Variants in COL8A1 observed in about 807,000 individuals in gnomAD.
COL8A1 encodes collagen alpha-1(VIII) chain.
In COL8A1, 21 loss-of-function variants were observed where a neutral mutation model predicts 42.7. That is an observed-to-expected ratio of 0.49 (90% CI 0.35 to 0.71). COL8A1 has a LOEUF of 0.71. Ranked by LOEUF, COL8A1 falls within the 30% of genes least tolerant of loss-of-function variation. The pLI, the probability that COL8A1 is intolerant of heterozygous loss-of-function variation, is 0.01. For synonymous variants in COL8A1, 367 were observed against 369.1 expected, an observed-to-expected ratio of 0.99 and a Z score of 0.06; for missense variants, 788 against 962.4, an observed-to-expected ratio of 0.82 and a Z score of 2.40.
chr3:99,647,475 GTCTCTC>G (rs10662522), intron 1 of COL8A1, among the ~76,000 whole-genome samples: 18 of 147,646 alleles, frequency 1.2e-4, no homozygotes, highest in Admixed American at 2.7e-4. Context: ...TATTATTCAA[GTCTCTC>G]TCTCTCTCTC....
chr3:99,644,725 G>T (rs1308784744), intron 1 of COL8A1, among the ~76,000 whole-genome samples: 1 of 152,166 alleles, frequency 6.6e-6, no homozygotes, highest in East Asian at 1.9e-4. Context: ...TACATCACAG[G>T]ATATTTAGGC....
intron 1 of COL8A1, among the ~76,000 whole-genome samples, chr3:99,729,681 A>C (rs533968614): frequency 7.2e-5 from 11 of 152,100 alleles, no homozygotes; most frequent in Non-Finnish European, 1.3e-4. Flanking sequence ...GAGACTCTAC[A>C]ACCTTTAGTT....
chr3:99,713,219 C>T (rs1939897775), intron 1 of COL8A1, among the ~76,000 whole-genome samples: 1 of 151,996 alleles, frequency 6.6e-6, no homozygotes, highest in South Asian at 2.1e-4. Context: ...GTAACTTGCC[C>T]AAGTTCACAC....
chr3:99,798,107 C>T lies in COL8A1; in HGVS notation c.*1971C>T, dbSNP rs1457389644. On this transcript the variant is annotated 3_prime_UTR_variant, in exon 4 of 4. Coordinates refer to ENST00000652472, the MANE Select transcript of COL8A1 (RefSeq NM_020351.4). The stretch of plus-strand genomic sequence containing the variant: ...GGTATGAAAACACATGGAAATGTGT[C>T]TTTGTCAAATCTGAATCATTATTAC... 3 of 152,144 alleles carry T rather than the reference C, an allele frequency of 2.0e-5. No homozygotes were observed. The highest frequency in any genetic ancestry group is 4.4e-5 in the Non-Finnish European group (3 of 68,024). 9.4% of individuals were successfully genotyped at this position (152,144 alleles called of 1,614,324 possible). A position where few individuals can be genotyped will look rare whatever the true frequency, so the allele number is the denominator to read the frequency against.
intron 1 of COL8A1, among the ~76,000 whole-genome samples, chr3:99,736,878 T>C (rs1256843202): frequency 2.6e-5 from 4 of 152,208 alleles, no homozygotes; most frequent in African/African-American, 9.7e-5. Flanking sequence ...AGTCTCTTTG[T>C]AGGTCATTCA....
chr3:99,750,215 C>T (rs745653466), intron 2 of COL8A1, among the ~76,000 whole-genome samples: 6 of 151,814 alleles, frequency 4.0e-5, no homozygotes, highest in Admixed American at 6.6e-5. Context: ...CACCACCACA[C>T]CTGGCTAATT....
intron 1 of COL8A1, among the ~76,000 whole-genome samples, chr3:99,736,531 T>C (rs1418925385): frequency 6.6e-6 from 1 of 152,136 alleles, no homozygotes; most frequent in Non-Finnish European, 1.5e-5. Context: ...TTCCATGTAG[T>C]TGAGCGGTTT....
At position 99,794,939 on chromosome 3, in the gene COL8A1, C is replaced by A; in HGVS notation, c.1038C>A (p.Gly346=). 2 of 1,593,824 alleles carry A rather than the reference C, an allele frequency of 1.3e-6. No homozygotes were observed. The highest frequency in any genetic ancestry group is 1.7e-6 in the Non-Finnish European group (2 of 1,170,704). The change falls in exon 4 of 4, where the codon GGC becomes GGA. Residue 346 remains glycine (G), a synonymous_variant. Transcript: ENST00000652472. The surrounding 1 kb of genome is among the most constrained non-coding windows in gnomAD (Gnocchi z 4.3). ...TGCCAGGGCTACCAGGACCCCCAGG[C>A]CTTCCAGGGATTGGGAAACCAGGCT... ...QGLPGLPGPP[G]LPGIGKPGFP... is the part of the protein sequence containing the mutation.
intron 1 of COL8A1, among the ~76,000 whole-genome samples, chr3:99,718,107 C>G (rs940393515): frequency 5.3e-5 from 8 of 152,000 alleles, no homozygotes; most frequent in African/African-American, 1.9e-4. Flanking sequence ...TCTTCCCTCA[C>G]TTTTCTGGCC....
intron 1 of COL8A1, among the ~76,000 whole-genome samples, chr3:99,686,862 G>T (rs546454540): frequency 1.0e-3 from 153 of 149,464 alleles, no homozygotes; most frequent in African/African-American, 3.1e-3. Flanking sequence ...GTTTGTTTTT[G>T]GGGGGGGTTC....
chr3:99,761,462 A>G (rs1429857680), intron 2 of COL8A1, among the ~76,000 whole-genome samples: 2 of 152,212 alleles, frequency 1.3e-5, no homozygotes, highest in East Asian at 3.8e-4. Flanking sequence ...TGAAATTGAA[A>G]TGGAAAGAAT....
chr3:99,772,699 T>C (rs1941604138), intron 2 of COL8A1, among the ~76,000 whole-genome samples: 2 of 151,952 alleles, frequency 1.3e-5, no homozygotes, highest in African/African-American at 4.8e-5. Flanking sequence ...GGGGAGCAGG[T>C]TTATGTGGAG....
intron 1 of COL8A1, among the ~76,000 whole-genome samples, chr3:99,701,204 C>A (rs982803538): frequency 6.6e-6 from 1 of 152,166 alleles, no homozygotes; most frequent in African/African-American, 2.4e-5. Context: ...AAAGATCAGT[C>A]TTGAATTCAT....
At chr3:99,719,017 G>T (rs2107366790) in intron 1 of COL8A1, among the ~76,000 whole-genome samples, 1 of 152,166 alleles carries the variant, frequency 6.6e-6, no homozygotes, top group East Asian at 1.9e-4. Flanking sequence ...TTTGCATTCT[G>T]ATTCTATAAC....
chr3:99,776,461 T>G (rs1193822635), intron 2 of COL8A1, among the ~76,000 whole-genome samples: 1 of 152,180 alleles, frequency 6.6e-6, no homozygotes, highest in Non-Finnish European at 1.5e-5. Context: ...ACAAGAAATC[T>G]AAAGTGGTGT....
At chr3:99,657,593 G>T (rs904580829) in intron 1 of COL8A1, among the ~76,000 whole-genome samples, 3 of 151,972 alleles carry the variant, frequency 2.0e-5, no homozygotes, top group African/African-American at 4.8e-5. Flanking sequence ...TTTTCTCCCC[G>T]CGAGGATGAA....
intron 1 of COL8A1, among the ~76,000 whole-genome samples, chr3:99,684,625 C>T (rs953460270): frequency 6.6e-6 from 1 of 151,802 alleles, no homozygotes; most frequent in Non-Finnish European, 1.5e-5. Context: ...TTTCCCATTG[C>T]TATTTGTGAA....
chr3:99,736,058 C>T (rs1438872111), intron 1 of COL8A1, among the ~76,000 whole-genome samples: 10 of 151,692 alleles, frequency 6.6e-5, no homozygotes, highest in Non-Finnish European at 1.5e-4. Context: ...CTTTATTAGT[C>T]TTGCTAGCGG....
intron 1 of COL8A1, among the ~76,000 whole-genome samples, chr3:99,674,723 C>A (rs1456449321): frequency 1.3e-5 from 2 of 151,948 alleles, no homozygotes. Flanking sequence ...AACTGTGTTG[C>A]TGAAAGTCTG....
Sources: gnomAD v4.1 joint callset for allele counts (sites outside exome capture counted in the v4.1 genomes callset) on GRCh38, gnomAD v4.1.1 for gene constraint, Gnocchi (gnomAD v3.1) non-coding constraint, MANE v1.5 for transcripts, NCBI Gene and HGNC (gene_info 2026-07-23, HGNC 2026-07-21) for gene names.